The following CLEC2B variants were observed in gnomAD, a reference collection of about 807,000 sequenced individuals.
CLEC2B encodes the protein C-type lectin domain family 2 member B, also known as C-type (calcium dependent, carbohydrate-recognition domain) lectin, superfamily member 2 (activation-induced).
A neutral mutation model predicts 16.2 loss-of-function variants in CLEC2B; 14 were observed. The ratio of observed to expected loss-of-function variants is 0.86; its 90% CI spans 0.57 to 1.35. The LOEUF is 1.35. Ranked by LOEUF, CLEC2B falls within the 40% of genes most tolerant of loss-of-function variation. The pLI, the probability that CLEC2B is intolerant of heterozygous loss-of-function variation, is 0.00. For synonymous variants in CLEC2B, 42 were observed against 55.8 expected (o/e 0.75, Z 1.10); for missense variants, 166 against 182.3 (o/e 0.91, Z 0.52).
chr12:9,862,655 C>G (rs929610271), intron 1 of CLEC2B, 82 bp from the exon 2 acceptor site: 2 of 1,202,156 alleles, frequency 1.7e-6, no homozygotes, highest in African/African-American at 3.3e-5. Context: ...TAATGTCCCC[C>G]ACAGAAAACA....
intron 1 of CLEC2B, among the ~76,000 whole-genome samples, chr12:9,865,825 A>C (rs960807167): frequency 6.6e-6 from 1 of 152,212 alleles, no homozygotes; most frequent in Non-Finnish European, 1.5e-5. Context: ...CCACAATGGG[A>C]TGAAACTAGA....
chr12:9,853,179 A>G lies in CLEC2B; in HGVS notation c.*121T>C, dbSNP rs2594072. On this transcript the variant is annotated 3_prime_UTR_variant, in exon 5 of 5. Transcript: ENST00000228438. Reference sequence around the variant, plus strand: ...AAGTGGCTTTTATGTGTAGCCTGACACGTAAGCAGAATTAACCAGACAGGT... The same window carrying G: ...AAGTGGCTTTTATGTGTAGCCTGACGCGTAAGCAGAATTAACCAGACAGGT... 0.55 allele frequency: 401,737 copies of G among 732,908 alleles called. 112,462 individuals are homozygous for G. Among genetic ancestry groups the G allele is most frequent in the African/African-American group, 0.61 (34,978 of 57,160 alleles). 45.4% of individuals were successfully genotyped at this position (732,908 alleles called of 1,614,324 possible).
At chr12:9,867,117 A>G (rs1362159826) in intron 1 of CLEC2B, 1 of 152,172 alleles carries the variant, frequency 6.6e-6, no homozygotes, top group Non-Finnish European at 1.5e-5. Flanking sequence ...CGAAGAGGTC[A>G]TTTATATTGG....
intron 3 of CLEC2B, 22 bp from the exon 4 acceptor site, chr12:9,854,506 C>T: frequency 6.8e-7 from 1 of 1,475,272 alleles, no homozygotes; most frequent in East Asian, 2.3e-5. Flanking sequence ...AAATTAATTT[C>T]AAAATCATAC....
intron 1 of CLEC2B, among the ~76,000 whole-genome samples, chr12:9,865,180 CAAAAAAAAAAAAA>C (rs56774558): frequency 7.1e-5 from 7 of 99,104 alleles, no homozygotes; most frequent in African/African-American, 2.9e-4. Context: ...AAGACTCTCT[CAAAAAAAAAAAAA>C]AAAAAAAAGC....
In CLEC2B at chr12:9,853,419, G is replaced by A. The variant is rs1253457253; in HGVS notation, c.342-11C>T. 3 of 1,601,860 alleles carry A rather than the reference G, an allele frequency of 1.9e-6. No individual in the cohort carries two copies. The highest frequency in any genetic ancestry group is 2.6e-6 in the Non-Finnish European group (3 of 1,169,050). On this transcript the variant is annotated splice_polypyrimidine_tract_variant and intron_variant, in intron 4 of 4. Transcript: ENST00000228438. The stretch of plus-strand genomic sequence containing the variant: ...CCTCTCATGCCAAACCTGCAACAAA[G>A]GGATTAACCATTATGTAGTCATGTG...
At chr12:9,867,620 G>A (rs748261757) in intron 1 of CLEC2B, among the ~76,000 whole-genome samples, 58 of 152,114 alleles carry the variant, frequency 3.8e-4, no homozygotes, top group Non-Finnish European at 7.4e-5. Flanking sequence ...TTAAAAAATT[G>A]TGATCTCCCA....
intron 2 of CLEC2B, among the ~76,000 whole-genome samples, chr12:9,860,072 A>C (rs1247856566): frequency 6.6e-6 from 1 of 151,670 alleles, no homozygotes. Context: ...TATTAAAAAA[A>C]TTTTACTGAT....
At chr12:9,860,448 A>T (rs1867925202) in intron 2 of CLEC2B, among the ~76,000 whole-genome samples, 1 of 151,832 alleles carries the variant, frequency 6.6e-6, no homozygotes, top group African/African-American at 2.4e-5. Flanking sequence ...AGTCTTTAAA[A>T]AATTCTTAAA....
chr12:9,854,800 G>T, intron 3 of CLEC2B: 1 of 416,882 alleles, frequency 2.4e-6, no homozygotes, highest in Non-Finnish European at 4.3e-6. Context: ...TTGAGCTCTC[G>T]CACAGCATTT....
chr12:9,858,673 A>G (rs1189593661), intron 2 of CLEC2B, among the ~76,000 whole-genome samples: 2 of 151,924 alleles, frequency 1.3e-5, no homozygotes. Context: ...AAAATTTTAT[A>G]TACATACACA....
rs1286840040 is a variant in CLEC2B, at chr12:9,853,043, G to A, written c.*257C>T. ...TCCTTGATCCCCACAATTGTTTTCT[G>A]GTTTACAGTTAAAAAAAGAAAGAAA... On this transcript the variant is annotated 3_prime_UTR_variant, in exon 5 of 5. Coordinates refer to ENST00000228438, the MANE Select transcript of CLEC2B (RefSeq NM_005127.3). 5.4e-6 allele frequency: 1 copy of A among 183,546 alleles called. No homozygotes were observed. Among genetic ancestry groups the A allele is most frequent in the Non-Finnish European group, 1.0e-5 (1 of 99,540 alleles). 11.4% of individuals were successfully genotyped at this position (183,546 alleles called of 1,614,324 possible).
chr12:9,854,683 T>G (rs1867880793), intron 3 of CLEC2B, 199 bp from the exon 4 acceptor site: 2 of 522,702 alleles, frequency 3.8e-6, no homozygotes, highest in Non-Finnish European at 6.7e-6. Context: ...ACAAATATGT[T>G]AGATACATTT....
At chr12:9,868,062 CATA>C (rs1382048206) in intron 1 of CLEC2B, among the ~76,000 whole-genome samples, 2 of 150,500 alleles carry the variant, frequency 1.3e-5, no homozygotes, top group African/African-American at 4.9e-5. Context: ...AAACGATGTT[CATA>C]ATTTCAGATA....
In CLEC2B at chr12:9,853,064, A is replaced by AGAAC; in HGVS notation, c.*235_*236insGTTC. ...TTCTGGTTTACAGTTAAAAAAAGAA[A>AGAAC]GAAAGAAAGAAAGAAAGAAAGAGAG... On this transcript the variant is annotated 3_prime_UTR_variant, in exon 5 of 5. Coordinates refer to ENST00000228438, the MANE Select transcript of CLEC2B (RefSeq NM_005127.3). 1 of 279,686 alleles carries AGAAC rather than the reference A, an allele frequency of 3.6e-6. No homozygotes were observed. The highest frequency in any genetic ancestry group is 5.9e-6 in the Non-Finnish European group (1 of 170,358). The allele number at this position is 279,686 out of a possible 1,614,324, so 17.3% of individuals were successfully genotyped here.
chr12:9,868,258 CCTT>C (rs1220754090), intron 1 of CLEC2B, among the ~76,000 whole-genome samples: 1 of 151,596 alleles, frequency 6.6e-6, no homozygotes, highest in Non-Finnish European at 1.5e-5. Flanking sequence ...GGCTGGAAGG[CCTT>C]CTTAAAACTT....
intron 3 of CLEC2B, among the ~76,000 whole-genome samples, chr12:9,856,215 T>C (rs929820445): frequency 6.6e-6 from 1 of 152,094 alleles, no homozygotes; most frequent in South Asian, 2.1e-4. Context: ...TTAATATTGA[T>C]TGTCTTTACA....
intron 2 of CLEC2B, among the ~76,000 whole-genome samples, chr12:9,858,445 A>G (rs1867910461): frequency 6.6e-6 from 1 of 152,052 alleles, no homozygotes; most frequent in Non-Finnish European, 1.5e-5. Flanking sequence ...ATTTTGGAAC[A>G]CACCCAGACT....
At chr12:9,854,586 G>A (rs1867879689) in intron 3 of CLEC2B, 102 bp from the exon 4 acceptor site, 8 of 755,900 alleles carry the variant, frequency 1.1e-5, no homozygotes, top group Non-Finnish European at 1.9e-5. Context: ...GGCAACAATT[G>A]TTCAACTCCT....
Sources: allele counts gnomAD v4.1 joint callset (sites outside exome capture counted in the v4.1 genomes callset), GRCh38; gene constraint gnomAD v4.1.1; transcripts MANE v1.5; gene names NCBI Gene and HGNC (gene_info 2026-07-23, HGNC 2026-07-21).